The following UGGT2 variants were observed in gnomAD, a reference collection of about 807,000 sequenced individuals.
UGGT2 encodes the protein UDP-glucose:glycoprotein glucosyltransferase 2.
UGGT2 carries 180 observed loss-of-function variants against 192.1 expected under a neutral mutation model. The ratio of observed to expected loss-of-function variants is 0.94; its 90% CI spans 0.83 to 1.06. The LOEUF (loss-of-function observed/expected upper bound fraction) is 1.06. Ranked by LOEUF, UGGT2 falls within the 50% of genes least tolerant of loss-of-function variation. UGGT2 has a pLI of 0.00. For synonymous variants in UGGT2, 580 were observed against 591.0 expected (o/e 0.98, Z 0.27); for missense variants, 1,849 against 1,795.7 (o/e 1.03, Z -0.54).
At chr13:95,981,536 A>G (rs2051125600) in intron 10 of UGGT2, among the ~76,000 whole-genome samples, 1 of 152,152 alleles carries the variant, frequency 6.6e-6, no homozygotes, top group African/African-American at 2.4e-5. Flanking sequence ...AAATCCTTCA[A>G]ATTTCTTAAG....
intron 20 of UGGT2, among the ~76,000 whole-genome samples, chr13:95,905,489 G>T (rs1240247216): frequency 6.6e-6 from 1 of 151,648 alleles, no homozygotes; most frequent in East Asian, 1.9e-4. Context: ...TGTAAGGAAG[G>T]GATCCAGTTT....
At chr13:95,989,724 T>C (rs2051399580) in intron 8 of UGGT2, 1 of 296,710 alleles carries the variant, frequency 3.4e-6, no homozygotes, top group African/African-American at 2.2e-5. Flanking sequence ...TATAAATCAG[T>C]ATATACTTTT....
At chr13:95,920,163 A>C (rs1244997964) in intron 20 of UGGT2, among the ~76,000 whole-genome samples, 1 of 152,226 alleles carries the variant, frequency 6.6e-6, no homozygotes, top group Non-Finnish European at 1.5e-5. Context: ...AGAAAACTGA[A>C]ACTGGACCCC....
chr13:95,890,465 G>A (rs1033353632), intron 25 of UGGT2, among the ~76,000 whole-genome samples: 1 of 152,114 alleles, frequency 6.6e-6, no homozygotes, highest in Admixed American at 6.6e-5. Context: ...TCTTCTTTGT[G>A]AAGTCTCCCT....
chr13:95,999,380 G>T, intron 5 of UGGT2, 73 bp from the exon 6 acceptor site: 1 of 1,330,298 alleles, frequency 7.5e-7, no homozygotes, highest in Non-Finnish European at 1.1e-6. Flanking sequence ...TCAGTACCAC[G>T]ATGTATTTGG....
At chr13:95,871,079 C>CA (rs1036543535) in intron 29 of UGGT2, among the ~76,000 whole-genome samples, 11 of 152,076 alleles carry the variant, frequency 7.2e-5, no homozygotes, top group South Asian at 2.1e-4. Flanking sequence ...ACCATCTAAA[C>CA]AAAAAATGAA....
intron 20 of UGGT2, among the ~76,000 whole-genome samples, chr13:95,907,321 T>C (rs1179815198): frequency 6.6e-6 from 1 of 152,194 alleles, no homozygotes; most frequent in African/African-American, 2.4e-5. Flanking sequence ...TCCACCTGTG[T>C]GGGCAGGGCT....
At chr13:95,899,859 T>C (rs569997201) in intron 22 of UGGT2, among the ~76,000 whole-genome samples, 1 of 152,252 alleles carries the variant, frequency 6.6e-6, no homozygotes, top group Non-Finnish European at 1.5e-5. Flanking sequence ...AATAGCACTG[T>C]ACATAGATGA....
chr13:95,970,353 G>T (rs1423802338), intron 11 of UGGT2, 91 bp from the exon 12 acceptor site: 1 of 1,219,076 alleles, frequency 8.2e-7, no homozygotes, highest in East Asian at 2.4e-5. Flanking sequence ...CATTAGAAAT[G>T]AGATTTTTTG....
chr13:95,805,543 G>A (rs1461420943), intron 38 of UGGT2, among the ~76,000 whole-genome samples: 1 of 152,178 alleles, frequency 6.6e-6, no homozygotes, highest in Non-Finnish European at 1.5e-5. Flanking sequence ...ATCGATGGAT[G>A]AATGGGTAAA....
At chr13:95,908,418 A>G (rs2048361924) in intron 20 of UGGT2, among the ~76,000 whole-genome samples, 1 of 152,146 alleles carries the variant, frequency 6.6e-6, no homozygotes, top group Non-Finnish European at 1.5e-5. Context: ...AATACTCCTC[A>G]AGAAGAACAA....
intron 38 of UGGT2, among the ~76,000 whole-genome samples, chr13:95,806,062 G>GAAAAAA (rs1229994708): frequency 2.4e-5 from 3 of 125,514 alleles, no homozygotes; most frequent in Admixed American, 8.0e-5. Flanking sequence ...ACACACAGTG[G>GAAAAAA]AAAAAAAAAA....
Position 95,887,939 on chromosome 13 carries a change from C to G in UGGT2, c.2991G>C (p.Lys997Asn). 1 of 1,603,858 alleles carries G rather than the reference C, an allele frequency of 6.2e-7. No homozygotes were observed. Among genetic ancestry groups the G allele is most frequent in the Non-Finnish European group, 8.5e-7 (1 of 1,174,552 alleles). ...GCCTGCCCCTACAGTTCATGAACAA[C>G]TTTATCTTCATGTTGATAATCTTGC... The part of the protein sequence containing the change: ...VLGKIINMKI[K>N]LFMNCRGRLS... Residue 997 changes from lysine to asparagine, a missense_variant, in exon 26 of 39, where the codon AAG (lysine) becomes AAC (asparagine). By Grantham distance (94) the Lys-to-Asn change is moderately conservative (BLOSUM62 0). Transcript: ENST00000376747.
At position 95,902,887 on chromosome 13, in the gene UGGT2, G is replaced by GTAAA; in HGVS notation, c.2465_2468dup (p.Ser824LeufsTer5). On this transcript the variant is annotated frameshift_variant, in exon 21 of 39. Coordinates refer to ENST00000376747, the MANE Select transcript of UGGT2 (RefSeq NM_020121.4). LOFTEE classifies it high-confidence loss of function. ...GGAATGTTTTAATTTTATCTCCAGA[G>GTAAA]TAAATAGCTGTAGCAATTTCTTCCT... 6.2e-7 allele frequency: 1 copy of GTAAA among 1,613,346 alleles called. No homozygotes were observed. The highest frequency in any genetic ancestry group is 8.5e-7 in the Non-Finnish European group (1 of 1,179,568).
At chr13:96,033,294 G>A (rs1364751532) in intron 1 of UGGT2, among the ~76,000 whole-genome samples, 1 of 152,160 alleles carries the variant, frequency 6.6e-6, no homozygotes, top group Non-Finnish European at 1.5e-5. Flanking sequence ...CTGCAAAAAC[G>A]CCAGCTGTAG....
At chr13:95,982,541 T>C (rs761511381) in intron 10 of UGGT2, among the ~76,000 whole-genome samples, 5 of 152,022 alleles carry the variant, frequency 3.3e-5, no homozygotes, top group Middle Eastern at 3.2e-3. Flanking sequence ...TCCAACCAAT[T>C]TGTGGGCCCT....
intron 6 of UGGT2, among the ~76,000 whole-genome samples, chr13:95,997,646 G>GA (rs1158272152): frequency 4.6e-5 from 7 of 151,168 alleles, no homozygotes; most frequent in Non-Finnish European, 7.4e-5. Flanking sequence ...TCCATCTCAG[G>GA]AAAAAAAAGA....
At chr13:95,873,543 A>G (rs972881069) in intron 29 of UGGT2, among the ~76,000 whole-genome samples, 5 of 152,198 alleles carry the variant, frequency 3.3e-5, no homozygotes, top group Non-Finnish European at 7.3e-5. Context: ...AAACAGACCA[A>G]AAGTGACCCA....
chr13:95,845,500 T>G (rs1229577486), intron 36 of UGGT2, among the ~76,000 whole-genome samples: 1 of 151,388 alleles, frequency 6.6e-6, no homozygotes, highest in African/African-American at 2.4e-5. Flanking sequence ...AGGTTATAGA[T>G]TAACAGCATC....
Sources: allele counts gnomAD v4.1 joint callset (sites outside exome capture counted in the v4.1 genomes callset), GRCh38; gene constraint gnomAD v4.1.1; transcripts MANE v1.5; gene names NCBI Gene and HGNC (gene_info 2026-07-23, HGNC 2026-07-21).